Variants in NBEA observed in about 807,000 individuals in gnomAD.
NBEA encodes lysosomal-trafficking regulator 2.
NBEA carries 44 observed loss-of-function variants against 343.4 expected under a neutral mutation model. That is an observed-to-expected ratio of 0.13 (90% CI 0.10 to 0.16). The LOEUF (loss-of-function observed/expected upper bound fraction) is 0.16, where lower values mean the gene tolerates loss of function less well. Among genes scored for constraint, NBEA ranks in the 10% least tolerant of loss-of-function variants. The pLI is 1.00. For synonymous variants in NBEA, 1,175 were observed against 1,238.7 expected (o/e 0.95, Z 1.08); for missense variants, 2,555 against 3,631.3 (o/e 0.70, Z 7.62).
chr13:35,606,643 T>G (rs957093687), intron 48 of NBEA, 65 bp downstream of exon 48: 21 of 1,384,730 alleles, frequency 1.5e-5, no homozygotes, highest in Non-Finnish European at 1.3e-5. Flanking sequence ...TAGTTTTGTT[T>G]TGTCCTGTTC....
chr13:35,371,368 ATTCT>A (rs1214680525), intron 38 of NBEA, among the ~76,000 whole-genome samples: 3 of 151,654 alleles, frequency 2.0e-5, no homozygotes. Flanking sequence ...AGGTTCTGAA[ATTCT>A]TTCTTCTGCT....
intron 49 of NBEA, among the ~76,000 whole-genome samples, chr13:35,637,099 A>G (rs554426860): frequency 2.6e-5 from 4 of 152,172 alleles, no homozygotes; most frequent in Non-Finnish European, 5.9e-5. Flanking sequence ...GTGCCTGAAT[A>G]ACAATCCTAT....
chr13:35,611,346 T>G (rs1003589156), intron 48 of NBEA, among the ~76,000 whole-genome samples: 1 of 152,230 alleles, frequency 6.6e-6, no homozygotes, highest in Admixed American at 6.5e-5. Flanking sequence ...TATGAAGTAC[T>G]AGTTAGCCAT....
chr13:34,990,758 G>C (rs1437980611), intron 1 of NBEA, among the ~76,000 whole-genome samples: 1 of 152,122 alleles, frequency 6.6e-6, no homozygotes, highest in Non-Finnish European at 1.5e-5. Context: ...TCATGGTCAG[G>C]CTGCAAATTT....
chr13:35,210,822 A>C (rs1289813533), intron 32 of NBEA, among the ~76,000 whole-genome samples: 1 of 152,120 alleles, frequency 6.6e-6, no homozygotes, highest in Non-Finnish European at 1.5e-5. Flanking sequence ...CCCCATTTGT[A>C]GTATGTAGTT....
chr13:35,350,403 C>A (rs1045549514), intron 37 of NBEA, among the ~76,000 whole-genome samples: 2 of 151,902 alleles, frequency 1.3e-5, no homozygotes, highest in Non-Finnish European at 2.9e-5. Flanking sequence ...TTTTATAATA[C>A]CACCCATAGG....
At chr13:35,663,581 G>T (rs2085206171) in intron 55 of NBEA, among the ~76,000 whole-genome samples, 1 of 152,136 alleles carries the variant, frequency 6.6e-6, no homozygotes, top group South Asian at 2.1e-4. Context: ...CAACACAGGG[G>T]TGCAGATATC....
chr13:35,095,352 A>G (rs1203036043), intron 10 of NBEA, among the ~76,000 whole-genome samples: 2 of 151,236 alleles, frequency 1.3e-5, no homozygotes, highest in African/African-American at 4.8e-5. Flanking sequence ...TTATGTTTAT[A>G]CATAGTTAAT....
chr13:35,554,903 C>A (rs2079513404), intron 43 of NBEA, 84 bp from the exon 44 acceptor site: 1 of 548,534 alleles, frequency 1.8e-6, no homozygotes, highest in South Asian at 3.3e-5. Flanking sequence ...AGTTGATTAT[C>A]AAAGCAATAT....
chr13:35,100,896 C>A (rs9315331), intron 11 of NBEA, among the ~76,000 whole-genome samples: 181 of 152,008 alleles, frequency 1.2e-3, no homozygotes, highest in African/African-American at 4.3e-3. Flanking sequence ...ACCCATAATT[C>A]ACTTTTTGGC....
rs539423265 is a variant in NBEA at position 35,558,972 on chromosome 13, A to G, written c.6922+3870A>G. Among the ~76,000 whole-genome samples, 10 of 152,350 alleles carry G rather than the reference A, an allele frequency of 6.6e-5. No homozygotes were observed. In the South Asian group the frequency reaches 2.1e-3, roughly 32 times the overall value. On this transcript the variant is annotated intron_variant, in intron 44 of 58. Transcript: ENST00000379939. ...ATGTAGATGACTATCCAGGCAAAAT[A>G]AACCGTAATAAGTAGAATGACAATT...
chr13:35,509,105 T>G (rs1415628201), intron 41 of NBEA, among the ~76,000 whole-genome samples: 2 of 152,216 alleles, frequency 1.3e-5, no homozygotes, highest in African/African-American at 4.8e-5. Flanking sequence ...ATTGTGTCTC[T>G]TGTCTGACCT....
chr13:35,520,764 C>T (rs1025886281), intron 41 of NBEA, among the ~76,000 whole-genome samples: 3 of 152,206 alleles, frequency 2.0e-5, no homozygotes, highest in African/African-American at 7.2e-5. Context: ...TCTGGCGTCT[C>T]ACAACTGTCC....
chr13:34,947,741 G>A (rs1469966443), intron 1 of NBEA, among the ~76,000 whole-genome samples: 2 of 152,146 alleles, frequency 1.3e-5, no homozygotes, highest in Admixed American at 6.6e-5. Flanking sequence ...GCAGGACACT[G>A]TATTAGGCAG....
chr13:35,334,486 T>C (rs906400296), intron 36 of NBEA, among the ~76,000 whole-genome samples: 1 of 152,182 alleles, frequency 6.6e-6, no homozygotes, highest in African/African-American at 2.4e-5. Flanking sequence ...GCCAGGCTAG[T>C]CTCGAACTCC....
At chr13:34,965,688 A>G (rs1375649375) in intron 1 of NBEA, among the ~76,000 whole-genome samples, 1 of 152,040 alleles carries the variant, frequency 6.6e-6, no homozygotes, top group Non-Finnish European at 1.5e-5. Context: ...CTCAGGAGTC[A>G]CATGGTTGGC....
intron 40 of NBEA, among the ~76,000 whole-genome samples, chr13:35,459,006 C>G (rs1217097907): frequency 1.2e-5 from 1 of 86,026 alleles, no homozygotes; most frequent in Admixed American, 1.1e-4. Context: ...TTTACCACCG[C>G]CCCCCCCCCC....
At chr13:35,433,179 T>C (rs1381392395) in intron 39 of NBEA, among the ~76,000 whole-genome samples, 2 of 152,108 alleles carry the variant, frequency 1.3e-5, no homozygotes, top group Non-Finnish European at 2.9e-5. Context: ...GCTGCTACTT[T>C]AGATTGTTTT....
intron 1 of NBEA, among the ~76,000 whole-genome samples, chr13:35,001,760 G>A (rs1356051799): frequency 1.3e-5 from 2 of 152,062 alleles, no homozygotes; most frequent in Admixed American, 6.6e-5. Context: ...ACTGTAGGGT[G>A]ACTATTGTTA....
Sources: allele counts gnomAD v4.1 joint callset (sites outside exome capture counted in the v4.1 genomes callset), GRCh38; gene constraint gnomAD v4.1.1; transcripts MANE v1.5; gene names NCBI Gene and HGNC (gene_info 2026-07-23, HGNC 2026-07-21).